The following ZDHHC11B variants were observed in gnomAD, a reference collection of about 807,000 sequenced individuals.
ZDHHC11B encodes the protein zDHHC palmitoyltransferase 11B (putative).
In ZDHHC11B, 17 loss-of-function variants were observed where a neutral mutation model predicts 42.3. The observed-to-expected ratio is 0.40, with a 90% CI of 0.27 to 0.60. The LOEUF (loss-of-function observed/expected upper bound fraction) is 0.60, where lower values mean the gene tolerates loss of function less well. Ranked by LOEUF, ZDHHC11B falls within the 20% of genes least tolerant of loss-of-function variation. ZDHHC11B has a pLI of 0.41. For synonymous variants in ZDHHC11B, 123 were observed against 193.5 expected (o/e 0.64, Z 3.02); for missense variants, 262 against 463.2 (o/e 0.57, Z 3.99).
intron 1 of ZDHHC11B, among the ~76,000 whole-genome samples, chr5:775,036 C>A (rs1411430121): frequency 6.6e-6 from 1 of 151,924 alleles, no homozygotes; most frequent in Non-Finnish European, 1.5e-5. Context: ...GAGGCAGGAG[C>A]CATGGAGTCA....
intron 10 of ZDHHC11B, among the ~76,000 whole-genome samples, chr5:736,449 C>G (rs1445254755): frequency 1.3e-5 from 2 of 149,660 alleles, no homozygotes; most frequent in Non-Finnish European, 3.0e-5. Flanking sequence ...TGACCTTAAA[C>G]TATATCCTAG....
At chr5:776,073 C>T (rs192463738) in intron 1 of ZDHHC11B, among the ~76,000 whole-genome samples, 21 of 150,246 alleles carry the variant, frequency 1.4e-4, no homozygotes, top group Admixed American at 6.6e-4. Context: ...AACCTTTACG[C>T]CCAAGTCCTG....
In ZDHHC11B at chr5:751,483, GCA is replaced by G. The variant is rs1198572902; in HGVS notation, c.504-228_504-227del. 2.0e-3 allele frequency among the ~76,000 whole-genome samples: 57 copies of G among 28,462 alleles called. 1 individual carries two copies. Among genetic ancestry groups the G allele is most frequent in the African/African-American group, 5.0e-3 (53 of 10,498 alleles). 18.7% of individuals were successfully genotyped at this position (28,462 alleles called of 152,430 possible). ...GCATCTGAGGCAGGGGCGGGGGCAT[GCA>G]GGGCAGGTGGGGGGTGCAGAGGCAG... On this transcript the variant is annotated intron_variant, in intron 6 of 13. Coordinates refer to ENST00000508859, the MANE Select transcript of ZDHHC11B (RefSeq NM_001351303.2).
chr5:711,785 CTG>C lies in ZDHHC11B; in HGVS notation c.*503_*504del, dbSNP rs1457116259. The C allele has an allele frequency of 6.5e-6, 1 of 154,732 alleles. No individual in the cohort carries two copies. Among genetic ancestry groups the C allele is most frequent in the Non-Finnish European group, 1.4e-5 (1 of 69,348 alleles). 9.6% of individuals were successfully genotyped at this position (154,732 alleles called of 1,614,324 possible). A position where few individuals can be genotyped will look rare whatever the true frequency, so the allele number is the denominator to read the frequency against. On this transcript the variant is annotated 3_prime_UTR_variant, in exon 14 of 14. Transcript: ENST00000508859. ...ATTACTGTGCTCCCATTTCCCAGCA[CTG>C]TGATCCCATTTCCTAGTACTGTGCT... is the stretch of plus-strand genomic sequence containing the variant.
At chr5:745,037 A>T (rs1744601339) in intron 9 of ZDHHC11B, 146 bp downstream of exon 9, 1 of 848,360 alleles carries the variant, frequency 1.2e-6, no homozygotes, top group African/African-American at 1.6e-5. Flanking sequence ...CCATGCACAG[A>T]GCCTCACACA....
rs114489536 is a variant in ZDHHC11B at position 771,598 on chromosome 5, G to A, written c.-229-2668C>T. Among the ~76,000 whole-genome samples, 818 of 151,432 alleles carry A rather than the reference G, an allele frequency of 5.4e-3. 5 individuals are homozygous for A. The highest frequency in any genetic ancestry group is 0.018 in the African/African-American group (758 of 41,038). On this transcript the variant is annotated intron_variant, in intron 1 of 13. Coordinates refer to ENST00000508859, the MANE Select transcript of ZDHHC11B (RefSeq NM_001351303.2). ...GCCAGGAACCGTTTCCAGTTTTATC[G>A]CTGACAACATTTCTTTGAAACAGGA...
chr5:756,857 C>A (rs1412720409), intron 4 of ZDHHC11B, among the ~76,000 whole-genome samples: 6 of 151,632 alleles, frequency 4.0e-5, no homozygotes, highest in Admixed American at 6.6e-5. Context: ...CAGGGAAACA[C>A]CCCCTAGACT....
chr5:718,455 C>T (rs565317780), intron 12 of ZDHHC11B, among the ~76,000 whole-genome samples: 14 of 151,748 alleles, frequency 9.2e-5, no homozygotes, highest in South Asian at 8.3e-4. Context: ...GGGTGGATCA[C>T]GAGGTCAGGA....
chr5:730,221 A>G lies in ZDHHC11B; in HGVS notation c.1058+213T>C, dbSNP rs184653171. 1.8e-3 allele frequency among the ~76,000 whole-genome samples: 275 copies of G among 151,930 alleles called. 7 individuals carry two copies. The highest frequency in any genetic ancestry group is 6.3e-3 in the African/African-American group (259 of 41,274). Reference sequence around the variant, plus strand: ...GCCTTATTTTTGTGCGTAAGTTCAAATGTTAGTTATAAAGAATTCTATAAT... The same window carrying G: ...GCCTTATTTTTGTGCGTAAGTTCAAGTGTTAGTTATAAAGAATTCTATAAT... On this transcript the variant is annotated intron_variant, in intron 12 of 13. Coordinates refer to ENST00000508859, the MANE Select transcript of ZDHHC11B (RefSeq NM_001351303.2).
In ZDHHC11B at chr5:769,709, G is replaced by C. The variant is rs138466457; in HGVS notation, c.-229-779C>G. Among the ~76,000 whole-genome samples, 507 of 152,094 alleles carry C rather than the reference G, an allele frequency of 3.3e-3. 7 individuals are homozygous for C. Among genetic ancestry groups the C allele is most frequent in the Non-Finnish European group, 5.3e-3 (360 of 67,940 alleles). ...AAAGTGCCCCTGACGGGCTGGACAG[G>C]CCTAGTGCGCGCCATCCTTCAACAC... On this transcript the variant is annotated intron_variant, in intron 1 of 13. Coordinates refer to ENST00000508859, the MANE Select transcript of ZDHHC11B (RefSeq NM_001351303.2).
intron 4 of ZDHHC11B, among the ~76,000 whole-genome samples, chr5:763,839 C>T (rs1734938817): frequency 6.6e-6 from 1 of 151,894 alleles, no homozygotes; most frequent in East Asian, 1.9e-4. Context: ...GGAGCATTTA[C>T]AGGTGAAATT....
intron 12 of ZDHHC11B, among the ~76,000 whole-genome samples, chr5:720,295 C>A (rs1742086792): frequency 1.3e-5 from 2 of 151,760 alleles, no homozygotes; most frequent in Admixed American, 1.3e-4. Flanking sequence ...TAATCAGAAT[C>A]AAGAGATCCT....
intron 11 of ZDHHC11B, among the ~76,000 whole-genome samples, chr5:733,296 C>T (rs1190579018): frequency 1.3e-5 from 2 of 151,702 alleles, no homozygotes; most frequent in Admixed American, 1.3e-4. Context: ...TACACTTGTA[C>T]GTGTGACCAC....
At chr5:745,580 A>G (rs1267067705) in intron 8 of ZDHHC11B, among the ~76,000 whole-genome samples, 2 of 149,950 alleles carry the variant, frequency 1.3e-5, no homozygotes, top group East Asian at 2.0e-4. Context: ...ATTGAGCTGC[A>G]TTGTTAGTGG....
chr5:773,205 C>T (rs1261249211), intron 1 of ZDHHC11B, among the ~76,000 whole-genome samples: 3 of 151,944 alleles, frequency 2.0e-5, no homozygotes, highest in African/African-American at 7.3e-5. Flanking sequence ...TTGGCGCTCT[C>T]CACCGAGCAT....
chr5:775,048 T>C (rs1736360690), intron 1 of ZDHHC11B, among the ~76,000 whole-genome samples: 1 of 151,928 alleles, frequency 6.6e-6, no homozygotes, highest in South Asian at 2.1e-4. Context: ...ATGGAGTCAG[T>C]GGGAGCTACT....
chr5:740,239 T>G (rs1455672145), intron 10 of ZDHHC11B, among the ~76,000 whole-genome samples: 1 of 118,682 alleles, frequency 8.4e-6, no homozygotes, highest in Non-Finnish European at 1.9e-5. Flanking sequence ...ATCTTTTCCA[T>G]GCAACCAAAC....
intron 4 of ZDHHC11B, among the ~76,000 whole-genome samples, chr5:757,709 C>T (rs1432763229): frequency 6.6e-6 from 1 of 151,900 alleles, no homozygotes; most frequent in Non-Finnish European, 1.5e-5. Flanking sequence ...CCCTGGGTGC[C>T]GGTGTGTGTG....
intron 3 of ZDHHC11B, 69 bp from the exon 4 acceptor site, chr5:766,988 G>A (rs985917564): frequency 2.6e-6 from 4 of 1,533,566 alleles, no homozygotes; most frequent in African/African-American, 2.7e-5. Context: ...CCACTGTCAG[G>A]GAGACCACGG....
Sources: allele counts gnomAD v4.1 joint callset (sites outside exome capture counted in the v4.1 genomes callset), GRCh38; gene constraint gnomAD v4.1.1; transcripts MANE v1.5; gene names NCBI Gene and HGNC (gene_info 2026-07-23, HGNC 2026-07-21).